The following PAK1 variants were observed in gnomAD, a reference collection of about 807,000 sequenced individuals.
PAK1 encodes p21 (RAC1) activated kinase 1, also known as serine/threonine-protein kinase PAK 1.
PAK1 carries 29 observed loss-of-function variants against 67.4 expected under a neutral mutation model. That is an observed-to-expected ratio of 0.43 (90% confidence interval 0.32 to 0.59). The LOEUF (loss-of-function observed/expected upper bound fraction) is 0.59, where lower values mean the gene tolerates loss of function less well. Among genes scored for constraint, PAK1 ranks in the 20% least tolerant of loss-of-function variants. The probability of loss-of-function intolerance (pLI) is 0.07; values close to 1 mark genes in which losing one functional copy is unlikely to be tolerated. For missense variants in PAK1, 337 were observed against 670.7 expected, an observed-to-expected ratio of 0.50 and a Z score of 5.50; for synonymous variants, 223 against 237.4, an observed-to-expected ratio of 0.94 and a Z score of 0.56.
At chr11:77,427,806 T>C (rs892934215) in intron 1 of PAK1, among the ~76,000 whole-genome samples, 4 of 152,226 alleles carry the variant, frequency 2.6e-5, no homozygotes, top group Admixed American at 2.0e-4. Flanking sequence ...TCAGAGAGGT[T>C]TCACCAGGTA....
intron 1 of PAK1, among the ~76,000 whole-genome samples, chr11:77,422,332 G>C (rs999017548): frequency 1.3e-5 from 2 of 152,172 alleles, no homozygotes; most frequent in South Asian, 2.1e-4. Context: ...AGGCTGAAGC[G>C]GGTGAATCAC....
chr11:77,442,749 C>T (rs1375554862), intron 1 of PAK1, among the ~76,000 whole-genome samples: 4 of 152,148 alleles, frequency 2.6e-5, no homozygotes, highest in Non-Finnish European at 5.9e-5. Context: ...CAATAGATAA[C>T]TAATACAACC....
At chr11:77,439,067 A>C (rs954147112) in intron 1 of PAK1, among the ~76,000 whole-genome samples, 2 of 152,204 alleles carry the variant, frequency 1.3e-5, no homozygotes, top group African/African-American at 4.8e-5. Context: ...GTGAGAGGCC[A>C]GTGATTCGAA....
At chr11:77,420,789 T>C (rs1955217958) in intron 1 of PAK1, among the ~76,000 whole-genome samples, 1 of 152,204 alleles carries the variant, frequency 6.6e-6, no homozygotes, top group Admixed American at 6.5e-5. Flanking sequence ...TTTGGCAATG[T>C]CAAGGGAAAT....
chr11:77,467,688 T>C (rs532101497), intron 1 of PAK1, among the ~76,000 whole-genome samples: 1 of 152,332 alleles, frequency 6.6e-6, no homozygotes, highest in Admixed American at 6.5e-5. Flanking sequence ...ATCATAGTCA[T>C]AAAATTACAA....
chr11:77,479,676 C>T, the PAK1 span, among the ~76,000 whole-genome samples: 19 of 127,996 alleles, frequency 1.5e-4, no homozygotes, highest in East Asian at 4.9e-4. Context: ...GGTACGATAT[C>T]GGCTCACTGC....
At chr11:77,435,172 T>G (rs1474923818) in intron 1 of PAK1, among the ~76,000 whole-genome samples, 2 of 148,324 alleles carry the variant, frequency 1.3e-5, no homozygotes, top group Non-Finnish European at 3.0e-5. Context: ...AAAAAAACAC[T>G]GAATTGTATA....
intron 1 of PAK1, among the ~76,000 whole-genome samples, chr11:77,471,890 T>A (rs193037191): frequency 2.6e-5 from 4 of 152,300 alleles, no homozygotes; most frequent in Non-Finnish European, 5.9e-5. Context: ...AATGCCCTGT[T>A]ATGGATGAGG....
intron 7 of PAK1, among the ~76,000 whole-genome samples, chr11:77,354,708 T>C (rs887326673): frequency 6.6e-6 from 1 of 152,172 alleles, no homozygotes; most frequent in African/African-American, 2.4e-5. Flanking sequence ...CAGTGAAAAT[T>C]TGTTTTAAAG....
intron 14 of PAK1, 97 bp from the exon 15 acceptor site, chr11:77,323,457 G>A: frequency 1.2e-6 from 1 of 840,532 alleles, no homozygotes; most frequent in South Asian, 1.5e-5. Context: ...TGTAAAGGGT[G>A]CTGTGTGGAA....
At chr11:77,527,008 T>C in the PAK1 span, among the ~76,000 whole-genome samples, 1 of 152,208 alleles carries the variant, frequency 6.6e-6, no homozygotes, top group Non-Finnish European at 1.5e-5. Context: ...AATTTCACTC[T>C]GTTTCATACA....
At chr11:77,345,180 G>A (rs1467379580) in intron 9 of PAK1, among the ~76,000 whole-genome samples, 1 of 152,104 alleles carries the variant, frequency 6.6e-6, no homozygotes, top group Non-Finnish European at 1.5e-5. Context: ...GTATGTTTGT[G>A]TGTATTGAGA....
At chr11:77,489,640 G>A in the PAK1 span, among the ~76,000 whole-genome samples, 1 of 151,988 alleles carries the variant, frequency 6.6e-6, no homozygotes, top group Non-Finnish European at 1.5e-5. Context: ...TGGTGGAGAC[G>A]GGGTTTCACT....
chr11:77,461,691 A>G (rs1957352448), intron 1 of PAK1, among the ~76,000 whole-genome samples: 1 of 152,230 alleles, frequency 6.6e-6, no homozygotes, highest in African/African-American at 2.4e-5. Flanking sequence ...AGGAAACAGA[A>G]AAGGGTTGTC....
the PAK1 span, among the ~76,000 whole-genome samples, chr11:77,519,513 G>A: frequency 6.6e-6 from 1 of 152,210 alleles, no homozygotes; most frequent in Non-Finnish European, 1.5e-5. Flanking sequence ...CACTCTGAGT[G>A]TAGTTAACAC....
intron 14 of PAK1, among the ~76,000 whole-genome samples, chr11:77,327,828 A>G (rs1940408536): frequency 6.6e-6 from 1 of 152,212 alleles, no homozygotes; most frequent in South Asian, 2.1e-4. Context: ...CAATTAAAAG[A>G]CACAGACTGG....
intron 1 of PAK1, among the ~76,000 whole-genome samples, chr11:77,461,091 G>C (rs143628952): frequency 1.3e-3 from 196 of 152,264 alleles, no homozygotes; most frequent in African/African-American, 4.4e-3. Flanking sequence ...GTCAAATCCT[G>C]TCAAGAGCCC....
chr11:77,394,869 T>C (rs10466737), intron 1 of PAK1, among the ~76,000 whole-genome samples: 6,269 of 151,728 alleles, frequency 0.041, 454 homozygotes, highest in African/African-American at 0.14. Context: ...CAAAACAAAA[T>C]ACCCTTCATT....
At chr11:77,364,389 T>C (rs957539415) in intron 5 of PAK1, among the ~76,000 whole-genome samples, 5 of 152,120 alleles carry the variant, frequency 3.3e-5, no homozygotes, top group African/African-American at 1.2e-4. Context: ...TAAGCAAACA[T>C]AGAAGCAATC....
Sources: gnomAD v4.1 joint callset for allele counts (sites outside exome capture counted in the v4.1 genomes callset) on GRCh38, gnomAD v4.1.1 for gene constraint, MANE v1.5 for transcripts, NCBI Gene and HGNC (gene_info 2026-07-23, HGNC 2026-07-21) for gene names.